The following GRIN1 variants were observed in gnomAD, a reference collection of about 807,000 sequenced individuals.
GRIN1 encodes the protein glutamate ionotropic receptor NMDA type subunit 1.
Under a neutral mutation model 103.0 loss-of-function variants are expected in GRIN1, and 38 were observed. The ratio of observed to expected loss-of-function variants is 0.37; its 90% CI spans 0.28 to 0.48. The LOEUF is 0.48. Ranked by LOEUF, GRIN1 falls within the 20% of genes least tolerant of loss-of-function variation. GRIN1 has a pLI of 0.98. For synonymous variants in GRIN1, 544 were observed against 532.7 expected, an observed-to-expected ratio of 1.02 and a Z score of -0.29; for missense variants, 577 against 1,288.9, an observed-to-expected ratio of 0.45 and a Z score of 8.46.
Position 137,168,754 on chromosome 9 carries a change from G to T in GRIN1, c.*1227G>T. On this transcript the variant is annotated 3_prime_UTR_variant, in exon 20 of 20. Transcript: ENST00000371561. ...GTGGTGATGCCTAAAGGAATGTCACGCAGTTTTCGGTCTGTGTCGCTTGTT... is the reference window on the plus strand; with the variant it reads ...GTGGTGATGCCTAAAGGAATGTCACTCAGTTTTCGGTCTGTGTCGCTTGTT... 1.1e-6 allele frequency: 1 copy of T among 879,444 alleles called. No individual in the cohort carries two copies. Among genetic ancestry groups the T allele is most frequent in the Non-Finnish European group, 1.5e-6 (1 of 675,834 alleles). 54.5% of individuals were successfully genotyped at this position (879,444 alleles called of 1,614,324 possible). A position where few individuals can be genotyped will look rare whatever the true frequency, so the allele number is the denominator to read the frequency against.
chr9:137,163,443 G>T, intron 16 of GRIN1, 113 bp downstream of exon 16: 2 of 1,445,524 alleles, frequency 1.4e-6, no homozygotes, highest in Non-Finnish European at 1.9e-6. Context: ...CAGGCCGGGC[G>T]CTGCCCACTC....
Position 137,139,639 on chromosome 9 carries a change from G to A in GRIN1, c.153G>A (p.Lys51=), listed in dbSNP as rs894474650. 7 of 1,613,918 alleles carry A rather than the reference G, an allele frequency of 4.3e-6. No individual in the cohort carries two copies. Among genetic ancestry groups the A allele is most frequent in the Non-Finnish European group, 5.9e-6 (7 of 1,179,972 alleles). The change falls in exon 1 of 20, where the codon AAG becomes AAA. Residue 51 remains lysine (K), a synonymous_variant. Transcript: ENST00000371561. This position sits in a 1 kb window ranked among gnomAD's most constrained non-coding sequence, Gnocchi z 7.7. ...MFREAVNQAN[K]RHGSWKIQLN... is the part of the protein sequence containing the mutation. Reference sequence around the variant, plus strand: ...GCGAGGCCGTGAACCAGGCCAACAAGCGGCACGGCTCCTGGAAGATTCAGC... The same window carrying A: ...GCGAGGCCGTGAACCAGGCCAACAAACGGCACGGCTCCTGGAAGATTCAGC...
In GRIN1 at chr9:137,158,503, G is replaced by C. The variant is rs772446523; in HGVS notation, c.1093G>C (p.Gly365Arg). Residue 365 changes from glycine to arginine, a missense_variant, in exon 7 of 20, where the codon GGC becomes CGC. Coordinates refer to ENST00000371561, the MANE Select transcript of GRIN1 (RefSeq NM_007327.4). ...NLQNRKLVQVGIYNGTHVIPN... is the reference protein window; with the variant it reads ...NLQNRKLVQVRIYNGTHVIPN... ...GCAGAACCGCAAGCTGGTGCAAGTGGGCATCTACAATGGCACCCACGTAGG... is the reference window on the plus strand; with the variant it reads ...GCAGAACCGCAAGCTGGTGCAAGTGCGCATCTACAATGGCACCCACGTAGG... The C allele has an allele frequency of 1.9e-6, 3 of 1,613,224 alleles. No individual in the cohort carries two copies. Among genetic ancestry groups the C allele is most frequent in the Non-Finnish European group, 2.5e-6 (3 of 1,179,974 alleles).
At chr9:137,149,260 GCACCCA>G (rs1832709579) in intron 4 of GRIN1, 151 bp downstream of exon 4, 2 of 679,250 alleles carry the variant, frequency 2.9e-6, no homozygotes, top group African/African-American at 1.8e-5. Context: ...ACCCCCACCC[GCACCCA>G]CACTCCTATC....
intron 2 of GRIN1, among the ~76,000 whole-genome samples, chr9:137,145,479 C>T (rs1203878047): frequency 5.8e-5 from 6 of 102,794 alleles, no homozygotes; most frequent in Admixed American, 4.6e-4. Flanking sequence ...GTGTCCCCAG[C>T]GGGGTGGGGA....
chr9:137,159,899 T>C (rs914004424), intron 8 of GRIN1, among the ~76,000 whole-genome samples: 92 of 152,290 alleles, frequency 6.0e-4, no homozygotes, highest in African/African-American at 2.0e-3. Context: ...CACGCCTCCC[T>C]GCCTTTGCAG....
At position 137,159,255 on chromosome 9, in the gene GRIN1, G is replaced by A. The variant is rs530474738; in HGVS notation, c.1197+551G>A. On this transcript the variant is annotated intron_variant, in intron 8 of 19. Coordinates refer to ENST00000371561, the MANE Select transcript of GRIN1 (RefSeq NM_007327.4). ...GGTGCTCTCCTGGCCATTCCTCCCCGGGCAGAGCCACACTACCCCCACTCC... is the reference window on the plus strand; with the variant it reads ...GGTGCTCTCCTGGCCATTCCTCCCCAGGCAGAGCCACACTACCCCCACTCC... 4.6e-5 allele frequency among the ~76,000 whole-genome samples: 7 copies of A among 152,068 alleles called. No homozygotes were observed. In the East Asian group the frequency reaches 9.6e-4, roughly 21 times the overall value.
chr9:137,168,625 C>G lies in GRIN1; in HGVS notation c.*1098C>G, dbSNP rs1588747964. 1.4e-5 allele frequency: 5 copies of G among 345,624 alleles called. No individual in the cohort carries two copies. The highest frequency in any genetic ancestry group is 8.6e-5 in the African/African-American group (4 of 46,708). The allele number at this position is 345,624 out of a possible 1,614,324, so 21.4% of individuals were successfully genotyped here. A position where few individuals can be genotyped will look rare whatever the true frequency, so the allele number is the denominator to read the frequency against. On this transcript the variant is annotated 3_prime_UTR_variant, in exon 20 of 20. Transcript: ENST00000371561. ...GTACAGAACCAGCACTCCCAGGGCC[C>G]GAGCGCGTGCCTTCCCCGTGCGGCC...
At chr9:137,155,936 T>C (rs1485676443) in intron 4 of GRIN1, among the ~76,000 whole-genome samples, 1 of 152,192 alleles carries the variant, frequency 6.6e-6, no homozygotes, top group African/African-American at 2.4e-5. Flanking sequence ...CCGCCTCTCA[T>C]CTCTGGCCGT....
intron 4 of GRIN1, 118 bp from the exon 5 acceptor site, chr9:137,156,551 C>T (rs1564357036): frequency 1.4e-6 from 2 of 1,438,866 alleles, no homozygotes; most frequent in South Asian, 1.2e-5. Flanking sequence ...GCAGGCTTCG[C>T]TCTAGGAGGG....
At chr9:137,162,812 C>T in intron 14 of GRIN1, 34 bp from the exon 15 acceptor site, 1 of 1,608,360 alleles carries the variant, frequency 6.2e-7, no homozygotes, top group Non-Finnish European at 8.5e-7. Context: ...GCCTGGGGAG[C>T]CGCCGCCGCG....
At chr9:137,141,975 C>T (rs201519163) in intron 1 of GRIN1, 38 bp from the exon 2 acceptor site, 6 of 1,613,146 alleles carry the variant, frequency 3.7e-6, no homozygotes, top group South Asian at 3.3e-5. Context: ...GCCTGGCTCA[C>T]CCCTGACTCA....
At chr9:137,163,051 G>C (rs199799482) in intron 15 of GRIN1, 48 bp downstream of exon 15, 2 of 1,558,706 alleles carry the variant, frequency 1.3e-6, no homozygotes, top group Non-Finnish European at 8.7e-7. Flanking sequence ...GTGCGGGGAG[G>C]GGGAGGGTGG....
chr9:137,162,113 T>TGGGGGGGGGGGGGGGGGGGGGGGG, intron 11 of GRIN1, 25 bp downstream of exon 11: 3 of 301,236 alleles, frequency 1.0e-5, no homozygotes, highest in Non-Finnish European at 1.2e-5. Flanking sequence ...GGTGGCGGGG[T>TGGGGGGGGGGGGGGGGGGGGGGGG]GGCGGCGGGG....
chr9:137,150,766 C>T (rs1001951417), intron 4 of GRIN1, among the ~76,000 whole-genome samples: 1 of 145,976 alleles, frequency 6.9e-6, no homozygotes. Flanking sequence ...AAAAGACCAG[C>T]CCAAGGAAAG....
Position 137,161,128 on chromosome 9 carries a change from T to C in GRIN1, c.1270T>C (p.Phe424Leu), listed in dbSNP as rs1371805655. 1.2e-6 allele frequency: 2 copies of C among 1,611,584 alleles called. No homozygotes were observed. Among genetic ancestry groups the C allele is most frequent in the Non-Finnish European group, 8.5e-7 (1 of 1,179,584 alleles). The change falls in exon 9 of 20, where the codon TTC (phenylalanine) becomes CTC (leucine). Residue 424 changes from phenylalanine (F) to leucine (L), a missense_variant. By Grantham distance (22) the Phe-to-Leu change is conservative. This residue lies in a region of GRIN1 where 96 missense variants were observed against 145.0 expected (regional missense o/e 0.66). Coordinates refer to ENST00000371561, the MANE Select transcript of GRIN1 (RefSeq NM_007327.4). ...TLSDGTCKEEFTVNGDPVKKV... is the reference protein window; with the variant it reads ...TLSDGTCKEELTVNGDPVKKV... Reference sequence around the variant, plus strand: ...GAGTGATGGGACATGCAAGGAGGAGTTCACAGTCAACGGCGACCCAGTCAA... The same window carrying C: ...GAGTGATGGGACATGCAAGGAGGAGCTCACAGTCAACGGCGACCCAGTCAA...
At chr9:137,157,954 G>A (rs1259431410) in intron 6 of GRIN1, among the ~76,000 whole-genome samples, 3 of 152,242 alleles carry the variant, frequency 2.0e-5, no homozygotes, top group African/African-American at 4.8e-5. Flanking sequence ...CAATGCACAC[G>A]TGCACACACA....
At chr9:137,162,142 G>A (rs1588730866) in intron 11 of GRIN1, 30 bp from the exon 12 acceptor site, 3 of 1,541,354 alleles carry the variant, frequency 1.9e-6, no homozygotes, top group South Asian at 1.2e-5. Flanking sequence ...TGGAGGGCCC[G>A]GGCCGCGCTG....
At position 137,167,713 on chromosome 9, in the gene GRIN1, C is replaced by T; in HGVS notation, c.*186C>T. The T allele has an allele frequency of 6.2e-7, 1 of 1,607,600 alleles. No individual in the cohort carries two copies. Among genetic ancestry groups the T allele is most frequent in the Non-Finnish European group, 8.5e-7 (1 of 1,177,256 alleles). On this transcript the variant is annotated 3_prime_UTR_variant, in exon 20 of 20. Coordinates refer to ENST00000371561, the MANE Select transcript of GRIN1 (RefSeq NM_007327.4). ...GCTGGCCGGTCCACCCCGTCCCGGC[C>T]CCGCGCGTGCCCCCAGCGTGGGGCT...
Sources: allele counts gnomAD v4.1 joint callset (sites outside exome capture counted in the v4.1 genomes callset), GRCh38; gene constraint gnomAD v4.1.1; regional missense constraint gnomAD v4.1.1; non-coding constraint Gnocchi (gnomAD v3.1); transcripts MANE v1.5; gene names NCBI Gene and HGNC (gene_info 2026-07-23, HGNC 2026-07-21).